Variants in PDPR observed in about 807,000 individuals in gnomAD.
The protein encoded by PDPR is pyruvate dehydrogenase phosphatase regulatory subunit, mitochondrial.
PDPR carries 50 observed loss-of-function variants against 102.2 expected under a neutral mutation model. That is an observed-to-expected ratio of 0.49 (90% CI 0.39 to 0.62). The LOEUF is 0.62. Ranked by LOEUF, PDPR falls within the 20% of genes least tolerant of loss-of-function variation. PDPR has a pLI of 0.00. For missense variants in PDPR, 625 were observed against 1,098.2 expected, an observed-to-expected ratio of 0.57 and a Z score of 6.09; for synonymous variants, 259 against 406.0, an observed-to-expected ratio of 0.64 and a Z score of 4.35.
At chr16:70,153,735 T>G (rs1271972026) in intron 18 of PDPR, among the ~76,000 whole-genome samples, 162 bp downstream of exon 18, 1 of 152,274 alleles carries the variant, frequency 6.6e-6, no homozygotes, top group Non-Finnish European at 1.5e-5. Flanking sequence ...GAATGAAAAC[T>G]TTATAGGATA....
intron 13 of PDPR, 101 bp from the exon 14 acceptor site, chr16:70,143,409 C>G: frequency 7.0e-7 from 1 of 1,419,506 alleles, no homozygotes; most frequent in Admixed American, 2.1e-5. Flanking sequence ...TGGGAATTGG[C>G]TGATTGAATT....
At chr16:70,151,250 G>A (rs1409628755) in intron 17 of PDPR, among the ~76,000 whole-genome samples, 4 of 152,120 alleles carry the variant, frequency 2.6e-5, no homozygotes, top group Non-Finnish European at 4.4e-5. Flanking sequence ...TTTATTTTTT[G>A]TAGCTTTGAG....
At chr16:70,141,214 T>G (rs11641609) in intron 11 of PDPR, among the ~76,000 whole-genome samples, 4,984 of 148,658 alleles carry the variant, frequency 0.034, no homozygotes, top group East Asian at 0.045. Flanking sequence ...CCACCATGCC[T>G]GGCTAATTTA....
Position 70,156,921 on chromosome 16 carries a change from T to G in PDPR, c.*42T>G, listed in dbSNP as rs1213288541. On this transcript the variant is annotated 3_prime_UTR_variant, in exon 19 of 19. Coordinates refer to ENST00000288050, the MANE Select transcript of PDPR (RefSeq NM_017990.5). The stretch of plus-strand genomic sequence containing the variant: ...TCACCTCCTCCCCATCATCTTGTCC[T>G]AGAGTGGGCGTCACCTTGGAGCTTC... 6.3e-7 allele frequency: 1 copy of G among 1,599,414 alleles called. No homozygotes were observed. Among genetic ancestry groups the G allele is most frequent in the South Asian group, 1.1e-5 (1 of 88,946 alleles).
At chr16:70,135,865 C>T (rs550635918) in intron 9 of PDPR, among the ~76,000 whole-genome samples, 4 of 152,204 alleles carry the variant, frequency 2.6e-5, no homozygotes, top group Non-Finnish European at 5.9e-5. Context: ...GTCAAGAGTT[C>T]GAAACTAGTG....
chr16:70,151,099 T>C (rs2152117467), intron 17 of PDPR, among the ~76,000 whole-genome samples: 1 of 152,362 alleles, frequency 6.6e-6, no homozygotes, highest in Non-Finnish European at 1.5e-5. Context: ...CACACTCGGC[T>C]AATTTTTTGT....
In PDPR at chr16:70,143,475, G is replaced by T. The variant is rs374787212; in HGVS notation, c.1606-35G>T. 6,849 of 1,603,702 alleles carry T rather than the reference G, an allele frequency of 4.3e-3. No homozygotes were observed. The African/African-American group carries it at 0.086, about 20-fold the overall frequency. On this transcript the variant is annotated intron_variant, in intron 13 of 18. Coordinates refer to ENST00000288050, the MANE Select transcript of PDPR (RefSeq NM_017990.5). ...ATGTGGCCCAGCCAGGTGCTCTCAC[G>T]CTCACTCTCTCTGTTTCATTCCCTA...
At chr16:70,127,531 T>G in intron 4 of PDPR, 138 bp downstream of exon 4, 1 of 1,455,742 alleles carries the variant, frequency 6.9e-7, no homozygotes, top group South Asian at 1.4e-5. Context: ...GGCTCACGCC[T>G]GTAATCCCAG....
chr16:70,142,419 T>C (rs559842468), intron 12 of PDPR, 30 bp downstream of exon 12: 8 of 166,428 alleles, frequency 4.8e-5, no homozygotes, highest in African/African-American at 1.5e-4. Flanking sequence ...TTTTTGCTTC[T>C]TTTTTTTTTT....
chr16:70,148,754 A>G (rs927518683), intron 17 of PDPR, among the ~76,000 whole-genome samples: 1 of 152,272 alleles, frequency 6.6e-6, no homozygotes, highest in Non-Finnish European at 1.5e-5. Flanking sequence ...ACTAAGTTAT[A>G]TAAGTTTTTT....
intron 9 of PDPR, among the ~76,000 whole-genome samples, chr16:70,133,431 T>TTTTTTTTTTTTTTTTTTTTG: frequency 7.1e-6 from 1 of 139,978 alleles, no homozygotes. Context: ...CTTTTTTTTT[T>TTTTTTTTTTTTTTTTTTTTG]TTTGAGATAA....
rs375267135 is a variant in PDPR at position 70,156,419 on chromosome 16, T to C, written c.2236-56T>C. 10 of 1,591,796 alleles carry C rather than the reference T, an allele frequency of 6.3e-6. No individual in the cohort carries two copies. In the East Asian group the frequency reaches 6.7e-5, roughly 11 times the overall value. ...GGGGACCCTTCCCACGGTGCTGCTC[T>C]CTGTGCCGAGGGTCTGAGTGTCGCT... On this transcript the variant is annotated intron_variant, in intron 18 of 18. Coordinates refer to ENST00000288050, the MANE Select transcript of PDPR (RefSeq NM_017990.5).
At chr16:70,117,375 A>G (rs1251850650) in intron 2 of PDPR, among the ~76,000 whole-genome samples, 1 of 147,454 alleles carries the variant, frequency 6.8e-6, no homozygotes, top group African/African-American at 2.5e-5. Context: ...AAAATTAGCC[A>G]GGCATGGTGG....
chr16:70,146,183 CTA>C lies in PDPR; in HGVS notation c.1919_1920del (p.Tyr640CysfsTer52). On this transcript the variant is annotated frameshift_variant, in exon 16 of 19. Transcript: ENST00000288050. LOFTEE classifies it high-confidence loss of function. ...RAVDVLSELS[Y>X]APMTPDHFPS... ...CTGTGGATGTGCTGTCTGAGTTGTCCTATGCCCCTATGACTCCAGACCACTTC... is the reference window on the plus strand; with the variant it reads ...CTGTGGATGTGCTGTCTGAGTTGTCCTGCCCCTATGACTCCAGACCACTTC... 1 of 1,613,784 alleles carries C rather than the reference CTA, an allele frequency of 6.2e-7. No individual in the cohort carries two copies. The highest frequency in any genetic ancestry group is 1.1e-5 in the South Asian group (1 of 91,078).
rs931824455 is a variant in PDPR at position 70,162,050 on chromosome 16, T to C, written c.*5171T>C. ...GTGCCTTACACTCCAGAATGTCAGA[T>C]GGTGGGTGCAGATTGGAAGAAAGAG... On this transcript the variant is annotated 3_prime_UTR_variant, in exon 19 of 19. Transcript: ENST00000288050. 1 of 152,442 alleles carries C rather than the reference T, an allele frequency of 6.6e-6. No individual in the cohort carries two copies. The highest frequency in any genetic ancestry group is 2.4e-5 in the African/African-American group (1 of 41,472). The allele number at this position is 152,442 out of a possible 1,614,324, so 9.4% of individuals were successfully genotyped here.
rs777191384 is a variant in PDPR at position 70,120,636 on chromosome 16, T to C, written c.144T>C (p.Cys48=). Residue 48 remains cysteine, a synonymous_variant, in exon 3 of 19, where the codon TGT becomes TGC. Transcript: ENST00000288050. The part of the protein sequence containing the change: ...ALPTQAQVVI[C]GGGITGTSVA... Reference sequence around the variant, plus strand: ...CCACCCAGGCACAGGTGGTCATCTGTGGAGGTGGAATCACGGGCACTTCTG... The same window carrying C: ...CCACCCAGGCACAGGTGGTCATCTGCGGAGGTGGAATCACGGGCACTTCTG... 6.2e-7 allele frequency: 1 copy of C among 1,613,926 alleles called. No homozygotes were observed. The highest frequency in any genetic ancestry group is 1.1e-5 in the South Asian group (1 of 91,086).
At chr16:70,124,811 T>A (rs1963754006) in intron 3 of PDPR, among the ~76,000 whole-genome samples, 1 of 152,212 alleles carries the variant, frequency 6.6e-6, no homozygotes, top group South Asian at 2.1e-4. Context: ...GAAAATATAA[T>A]TATTAGAGTA....
chr16:70,129,301 AG>A (rs1398140625), intron 6 of PDPR, among the ~76,000 whole-genome samples, 179 bp downstream of exon 6: 1 of 152,286 alleles, frequency 6.6e-6, no homozygotes, highest in Non-Finnish European at 1.5e-5. Flanking sequence ...GTTTTCCCTC[AG>A]GGCCACATTT....
Position 70,156,793 on chromosome 16 carries a change from A to C in PDPR, c.2554A>C (p.Lys852Gln). 6.2e-7 allele frequency: 1 copy of C among 1,614,090 alleles called. No homozygotes were observed. The highest frequency in any genetic ancestry group is 8.5e-7 in the Non-Finnish European group (1 of 1,179,914). The change falls in exon 19 of 19, where the codon AAG becomes CAG. Residue 852 changes from lysine to glutamine, a missense_variant. Lys to Gln is a moderately conservative substitution (Grantham distance 53). Transcript: ENST00000288050. ...CATCGCGGGATACCGCTTCCAGGCC[A>C]AGGCCAAGCTCTACCCTGTCGCCTC... ...IDIAGYRFQA[K>Q]AKLYPVASLF...
Sources: gnomAD v4.1 joint callset for allele counts (sites outside exome capture counted in the v4.1 genomes callset) on GRCh38, gnomAD v4.1.1 for gene constraint, MANE v1.5 for transcripts, NCBI Gene and HGNC (gene_info 2026-07-23, HGNC 2026-07-21) for gene names.